Variants in TMEM38B observed in about 807,000 individuals in gnomAD.
TMEM38B encodes the protein trimeric intracellular cation channel type B.
In TMEM38B, 24 loss-of-function variants were observed where a neutral mutation model predicts 28.7. That is an observed-to-expected ratio of 0.84 (90% confidence interval 0.61 to 1.18). The LOEUF is 1.18. Ranked by LOEUF, TMEM38B falls within the 50% of genes most tolerant of loss-of-function variation. The probability of loss-of-function intolerance (pLI) is 0.00; values close to 1 mark genes in which losing one functional copy is unlikely to be tolerated. For synonymous variants in TMEM38B, 131 were observed against 127.7 expected (o/e 1.03, Z -0.17); for missense variants, 380 against 350.9 (o/e 1.08, Z -0.66).
Position 105,776,076 on chromosome 9 carries a change from T to A in TMEM38B, c.*1996T>A, listed in dbSNP as rs1312513796. The A allele has an allele frequency of 7.2e-5, 11 of 152,180 alleles. No homozygotes were observed. Among genetic ancestry groups the A allele is most frequent in the Admixed American group, 7.2e-4 (11 of 15,270 alleles). 9.4% of individuals were successfully genotyped at this position (152,180 alleles called of 1,614,324 possible). Reference sequence around the variant, plus strand: ...CACCTGTAGAGTCTTGACTTGGATTTGCAAAGCAGATTGTTAGACTCCTTA... The same window carrying A: ...CACCTGTAGAGTCTTGACTTGGATTAGCAAAGCAGATTGTTAGACTCCTTA... On this transcript the variant is annotated 3_prime_UTR_variant, in exon 6 of 6. Coordinates refer to ENST00000374692, the MANE Select transcript of TMEM38B (RefSeq NM_018112.3).
chr9:105,734,365 G>C (rs1836886794), intron 4 of TMEM38B, among the ~76,000 whole-genome samples: 1 of 152,040 alleles, frequency 6.6e-6, no homozygotes, highest in Non-Finnish European at 1.5e-5. Context: ...CTAACATGTG[G>C]TCCATCCTGG....
chr9:105,756,097 C>T (rs1372461132), intron 5 of TMEM38B, among the ~76,000 whole-genome samples: 8 of 151,928 alleles, frequency 5.3e-5, no homozygotes, highest in South Asian at 2.1e-4. Context: ...TTCAGTGAGC[C>T]GAGATCGCGC....
intron 5 of TMEM38B, among the ~76,000 whole-genome samples, chr9:105,761,972 C>A (rs1838068228): frequency 6.6e-6 from 1 of 152,108 alleles, no homozygotes; most frequent in Non-Finnish European, 1.5e-5. Context: ...CAAGGTTCTT[C>A]AGGTTTCTGC....
At chr9:105,761,105 C>T (rs1203374634) in intron 5 of TMEM38B, among the ~76,000 whole-genome samples, 2 of 152,156 alleles carry the variant, frequency 1.3e-5, no homozygotes, top group Admixed American at 1.3e-4. Flanking sequence ...AATTTATCTG[C>T]ATATGTGCAA....
chr9:105,771,432 A>C (rs1588483253), intron 5 of TMEM38B, among the ~76,000 whole-genome samples: 2 of 152,166 alleles, frequency 1.3e-5, no homozygotes, highest in African/African-American at 2.4e-5. Flanking sequence ...AGATTCTATT[A>C]AAACACTTGA....
chr9:105,746,553 A>C (rs1450099250), intron 4 of TMEM38B, among the ~76,000 whole-genome samples: 4 of 152,110 alleles, frequency 2.6e-5, no homozygotes, highest in African/African-American at 9.7e-5. Context: ...TCTTTTCCTA[A>C]CTGAATACTC....
intron 5 of TMEM38B, chr9:105,758,774 G>T: frequency 1.3e-6 from 1 of 788,500 alleles, no homozygotes. Flanking sequence ...CTCCTAAAAA[G>T]CATGGATTAC....
At chr9:105,703,260 G>A (rs1835518953) in intron 1 of TMEM38B, among the ~76,000 whole-genome samples, 2 of 152,216 alleles carry the variant, frequency 1.3e-5, no homozygotes, top group African/African-American at 4.8e-5. Flanking sequence ...TGAGGCGGGT[G>A]AATCACTTGA....
At position 105,775,547 on chromosome 9, in the gene TMEM38B, A is replaced by G. The variant is rs912906687; in HGVS notation, c.*1467A>G. The G allele has an allele frequency of 6.6e-6, 1 of 151,998 alleles. No individual in the cohort carries two copies. Among genetic ancestry groups the G allele is most frequent in the African/African-American group, 2.4e-5 (1 of 41,412 alleles). The allele number at this position is 151,998 out of a possible 1,614,324, so 9.4% of individuals were successfully genotyped here. On this transcript the variant is annotated 3_prime_UTR_variant, in exon 6 of 6. Transcript: ENST00000374692. ...ACAAATATAAACACCAGCAGATACT[A>G]TTACTTGCTTAAAAAATTGGGAGGG...
At chr9:105,767,533 A>T (rs1826415366) in intron 5 of TMEM38B, among the ~76,000 whole-genome samples, 1 of 152,224 alleles carries the variant, frequency 6.6e-6, no homozygotes, top group Non-Finnish European at 1.5e-5. Flanking sequence ...TTGGGAAGAA[A>T]TCAGATCTTA....
chr9:105,713,014 A>G (rs1347638124), intron 2 of TMEM38B, among the ~76,000 whole-genome samples: 3 of 152,178 alleles, frequency 2.0e-5, no homozygotes, highest in African/African-American at 7.2e-5. Context: ...CTGTGAGGGG[A>G]CTTGGCCCAG....
intron 1 of TMEM38B, among the ~76,000 whole-genome samples, chr9:105,703,635 A>G (rs1835533655): frequency 6.6e-6 from 1 of 152,204 alleles, no homozygotes; most frequent in Non-Finnish European, 1.5e-5. Context: ...TGACTTCCAC[A>G]ATGGTTGAAC....
chr9:105,745,259 AC>A (rs1837345139), intron 4 of TMEM38B, among the ~76,000 whole-genome samples: 1 of 152,236 alleles, frequency 6.6e-6, no homozygotes, highest in Non-Finnish European at 1.5e-5. Context: ...TTGTTTCCTG[AC>A]TTTTTAATGA....
intron 4 of TMEM38B, among the ~76,000 whole-genome samples, chr9:105,745,669 A>G (rs1490433526): frequency 3.3e-5 from 5 of 152,150 alleles, no homozygotes; most frequent in African/African-American, 7.2e-5. Context: ...GCCCATGCCT[A>G]TGTCCTGAAT....
At chr9:105,724,085 C>T (rs1397730594) in intron 4 of TMEM38B, among the ~76,000 whole-genome samples, 5 of 151,992 alleles carry the variant, frequency 3.3e-5, no homozygotes, top group East Asian at 1.9e-4. Flanking sequence ...ATCCACCCAC[C>T]TTGGCCTCCC....
chr9:105,698,721 G>A (rs1401138091), intron 1 of TMEM38B, among the ~76,000 whole-genome samples: 2 of 152,024 alleles, frequency 1.3e-5, no homozygotes, highest in Admixed American at 6.6e-5. Flanking sequence ...TGGGCCCAAG[G>A]TTATGCTGTT....
Position 105,762,451 on chromosome 9 carries a change from C to T in TMEM38B, c.661-11414C>T, listed in dbSNP as rs1011239710. Among the ~76,000 whole-genome samples the T allele has an allele frequency of 8.8e-3, 1,223 of 138,818 alleles. 24 individuals carry two copies. Among genetic ancestry groups the T allele is most frequent in the African/African-American group, 0.031 (1,132 of 37,102 alleles). The allele number at this position is 138,818 out of a possible 152,430, so 91.1% of individuals were successfully genotyped here. A position where few individuals can be genotyped will look rare whatever the true frequency, so the allele number is the denominator to read the frequency against. On this transcript the variant is annotated intron_variant, in intron 5 of 5. Coordinates refer to ENST00000374692, the MANE Select transcript of TMEM38B (RefSeq NM_018112.3). ...GTCCCCAGAGTGTGATGTTCCCCTT[C>T]CTGTGTCCATGTGTTCTCATTGTTC... is the stretch of plus-strand genomic sequence containing the variant.
At chr9:105,695,810 T>C (rs1835267777) in intron 1 of TMEM38B, among the ~76,000 whole-genome samples, 1 of 152,236 alleles carries the variant, frequency 6.6e-6, no homozygotes, top group Non-Finnish European at 1.5e-5. Context: ...ATGTTGAAGT[T>C]TGTAGCTCAG....
chr9:105,769,008 A>G (rs73522007), intron 5 of TMEM38B, among the ~76,000 whole-genome samples: 5,187 of 152,324 alleles, frequency 0.034, 235 homozygotes, highest in African/African-American at 0.1. Context: ...TTAAAGTTGC[A>G]TGGCAAAAGC....
Sources: allele counts gnomAD v4.1 joint callset (sites outside exome capture counted in the v4.1 genomes callset), GRCh38; gene constraint gnomAD v4.1.1; transcripts MANE v1.5; gene names NCBI Gene and HGNC (gene_info 2026-07-23, HGNC 2026-07-21).